Variants in DLG2 observed in about 807,000 individuals in gnomAD.
The protein encoded by DLG2 is disks large homolog 2.
DLG2 carries 45 observed loss-of-function variants against 132.5 expected under a neutral mutation model. That is an observed-to-expected ratio of 0.34 (90% CI 0.27 to 0.44). The LOEUF (loss-of-function observed/expected upper bound fraction) is 0.44. Ranked by LOEUF, DLG2 falls within the 20% of genes least tolerant of loss-of-function variation. The pLI, the probability that DLG2 is intolerant of heterozygous loss-of-function variation, is 1.00. For missense variants in DLG2, 1,045 were observed against 1,196.9 expected (o/e 0.87, Z 1.87); for synonymous variants, 424 against 419.6 (o/e 1.01, Z -0.13).
chr11:85,035,603 G>T (rs545716781), intron 6 of DLG2, among the ~76,000 whole-genome samples: 19 of 152,256 alleles, frequency 1.2e-4, no homozygotes, highest in Admixed American at 5.9e-4. Flanking sequence ...CTTTTGACAC[G>T]TGGGTATTAC....
intron 8 of DLG2, among the ~76,000 whole-genome samples, chr11:84,246,047 A>T (rs944083712): frequency 6.6e-6 from 1 of 152,216 alleles, no homozygotes; most frequent in Non-Finnish European, 1.5e-5. Context: ...TACCCTGGAT[A>T]GCTACTGTCC....
intron 9 of DLG2, among the ~76,000 whole-genome samples, chr11:84,149,642 G>C (rs1349121427): frequency 6.6e-6 from 1 of 152,140 alleles, no homozygotes; most frequent in Non-Finnish European, 1.5e-5. Flanking sequence ...TTGAAATCAG[G>C]TAATGTGATG....
intron 6 of DLG2, among the ~76,000 whole-genome samples, chr11:84,884,225 T>G (rs541968307): frequency 2.0e-5 from 3 of 152,216 alleles, no homozygotes; most frequent in South Asian, 2.1e-4. Flanking sequence ...AGTGACCTGA[T>G]AGTCTGATGT....
intron 7 of DLG2, among the ~76,000 whole-genome samples, chr11:84,478,933 C>T (rs1453482672): frequency 1.3e-5 from 2 of 151,998 alleles, no homozygotes; most frequent in African/African-American, 2.4e-5. Flanking sequence ...TGCTTTGCCA[C>T]ATAAATGAAG....
chr11:84,502,288 T>TTCTTTCTTTCTTTCTTTCTTTCTC (rs2099216476), intron 7 of DLG2, among the ~76,000 whole-genome samples: 1 of 3,206 alleles, frequency 3.1e-4, no homozygotes, highest in Non-Finnish European at 5.2e-4. Flanking sequence ...CCTTCTTTCT[T>TTCTTTCTTTCTTTCTTTCTTTCTC]TCTTTCTTTC....
chr11:84,279,982 C>A (rs949012127), intron 7 of DLG2, among the ~76,000 whole-genome samples: 1 of 152,254 alleles, frequency 6.6e-6, no homozygotes, highest in South Asian at 2.1e-4. Flanking sequence ...AAGATAAGTA[C>A]GTCCCTTCTC....
At chr11:84,917,295 G>C (rs2092528360) in intron 6 of DLG2, among the ~76,000 whole-genome samples, 1 of 152,118 alleles carries the variant, frequency 6.6e-6, no homozygotes. Flanking sequence ...GAAAAGGAAT[G>C]GCAAGGTCAT....
At chr11:84,145,850 G>A (rs954942890) in intron 9 of DLG2, among the ~76,000 whole-genome samples, 108 of 152,278 alleles carry the variant, frequency 7.1e-4, no homozygotes, top group African/African-American at 2.5e-3. Flanking sequence ...ATCTAACTCA[G>A]CCCTTTGAGG....
At chr11:84,151,639 T>C in intron 9 of DLG2, among the ~76,000 whole-genome samples, 1 of 152,222 alleles carries the variant, frequency 6.6e-6, no homozygotes. Context: ...TAATGTTAGA[T>C]TGTTAATGTG....
chr11:84,868,282 T>C (rs1281132837), intron 6 of DLG2, among the ~76,000 whole-genome samples: 1 of 151,706 alleles, frequency 6.6e-6, no homozygotes, highest in African/African-American at 2.4e-5. Flanking sequence ...TCTCCTCTTG[T>C]TCAAATTCGA....
At chr11:85,029,570 G>A (rs1409779910) in intron 6 of DLG2, among the ~76,000 whole-genome samples, 1 of 152,230 alleles carries the variant, frequency 6.6e-6, no homozygotes, top group Non-Finnish European at 1.5e-5. Flanking sequence ...AAAGCTATCA[G>A]TATTAGGCCC....
At chr11:85,407,556 A>G (rs967017574) in intron 3 of DLG2, among the ~76,000 whole-genome samples, 2 of 151,860 alleles carry the variant, frequency 1.3e-5, no homozygotes, top group African/African-American at 4.8e-5. Flanking sequence ...GTGGACTAGG[A>G]GGCAAGAATT....
At chr11:84,916,869 T>C (rs375600593) in intron 6 of DLG2, among the ~76,000 whole-genome samples, 60 of 152,332 alleles carry the variant, frequency 3.9e-4, no homozygotes, top group African/African-American at 1.4e-3. Flanking sequence ...TCAGGGCCTT[T>C]GCATGTGCAC....
chr11:84,176,754 ACTTTT>A (rs2095980463), intron 8 of DLG2, among the ~76,000 whole-genome samples: 1 of 152,030 alleles, frequency 6.6e-6, no homozygotes, highest in Non-Finnish European at 1.5e-5. Flanking sequence ...CTCTCTGGAC[ACTTTT>A]CTTTGTTGAC....
intron 6 of DLG2, among the ~76,000 whole-genome samples, chr11:84,970,702 C>G (rs1347378818): frequency 6.6e-6 from 1 of 152,214 alleles, no homozygotes; most frequent in Non-Finnish European, 1.5e-5. Context: ...ATCATAGCAG[C>G]TTCCTATGTG....
chr11:85,049,170 AG>A (rs1216888463), intron 6 of DLG2, among the ~76,000 whole-genome samples: 3 of 152,028 alleles, frequency 2.0e-5, no homozygotes, highest in African/African-American at 7.2e-5. Context: ...TCATAGACTT[AG>A]GGATTCAGGA....
intron 7 of DLG2, among the ~76,000 whole-genome samples, chr11:84,312,198 G>A (rs184169746): frequency 2.0e-4 from 31 of 152,246 alleles, no homozygotes; most frequent in Admixed American, 1.2e-3. Context: ...TTGGCTGGGC[G>A]CAGTGGCTCA....
Position 85,288,764 on chromosome 11 carries a change from C to T in DLG2, c.41-3399G>A, listed in dbSNP as rs1325495041. Reference sequence around the variant, plus strand: ...GAATAACGACTTGTAATGAATAAAACAATTTTTGTAGATAGTAAAATTTCA... The same window carrying T: ...GAATAACGACTTGTAATGAATAAAATAATTTTTGTAGATAGTAAAATTTCA... On this transcript the variant is annotated intron_variant, in intron 3 of 27. Coordinates refer to ENST00000376104, the MANE Select transcript of DLG2 (RefSeq NM_001142699.3). 3.9e-5 allele frequency among the ~76,000 whole-genome samples: 6 copies of T among 152,232 alleles called. No individual in the cohort carries two copies. The South Asian group carries it at 8.3e-4, about 21-fold the overall frequency.
At chr11:84,822,004 G>T (rs191303315) in intron 6 of DLG2, among the ~76,000 whole-genome samples, 2 of 151,866 alleles carry the variant, frequency 1.3e-5, no homozygotes, top group African/African-American at 4.8e-5. Context: ...TGTTATTTTT[G>T]ATTAGATGTG....
Sources: gnomAD v4.1 joint callset for allele counts (sites outside exome capture counted in the v4.1 genomes callset) on GRCh38, gnomAD v4.1.1 for gene constraint, MANE v1.5 for transcripts, NCBI Gene and HGNC (gene_info 2026-07-23, HGNC 2026-07-21) for gene names.